Variants in CCSER1 observed in about 807,000 individuals in gnomAD.
CCSER1 encodes the protein serine-rich coiled-coil domain-containing protein 1.
In CCSER1, 41 loss-of-function variants were observed where a neutral mutation model predicts 82.0. The observed-to-expected ratio is 0.50, with a 90% CI of 0.39 to 0.65. The LOEUF is 0.65. Among genes scored for constraint, CCSER1 ranks in the 30% least tolerant of loss-of-function variants. The pLI is 0.00. For missense variants in CCSER1, 1,119 were observed against 1,064.2 expected, an observed-to-expected ratio of 1.05 and a Z score of -0.72; for synonymous variants, 414 against 383.9, an observed-to-expected ratio of 1.08 and a Z score of -0.92.
chr4:91,563,115 G>T (rs1762729310), intron 10 of CCSER1, among the ~76,000 whole-genome samples: 1 of 151,572 alleles, frequency 6.6e-6, no homozygotes, highest in Non-Finnish European at 1.5e-5. Flanking sequence ...ATTTATGCCA[G>T]TCCTTCTCAA....
intron 3 of CCSER1, among the ~76,000 whole-genome samples, chr4:90,365,585 C>T (rs1171139839): frequency 6.6e-6 from 1 of 151,684 alleles, no homozygotes; most frequent in Non-Finnish European, 1.5e-5. Flanking sequence ...CTATTTGATG[C>T]TCAAAATTAA....
intron 10 of CCSER1, among the ~76,000 whole-genome samples, chr4:91,491,646 A>G (rs1758549509): frequency 6.6e-6 from 1 of 152,110 alleles, no homozygotes; most frequent in Non-Finnish European, 1.5e-5. Context: ...CTTTTTCTAA[A>G]ATGCATGTTT....
At chr4:90,370,134 C>A (rs1747126483) in intron 3 of CCSER1, 1 of 152,048 alleles carries the variant, frequency 6.6e-6, no homozygotes, top group Non-Finnish European at 1.5e-5. Context: ...GGTGTCATGC[C>A]ATCTGGCACT....
chr4:91,556,351 G>A (rs992664713), intron 10 of CCSER1, among the ~76,000 whole-genome samples: 1 of 150,594 alleles, frequency 6.6e-6, no homozygotes, highest in African/African-American at 2.4e-5. Context: ...TTTTTTTAAA[G>A]TGGATTATTA....
intron 7 of CCSER1, among the ~76,000 whole-genome samples, chr4:90,811,302 G>C (rs1434921160): frequency 6.6e-6 from 1 of 152,190 alleles, no homozygotes; most frequent in Non-Finnish European, 1.5e-5. Flanking sequence ...TGAGGAGGTT[G>C]AAAGTCAAAA....
chr4:90,706,996 A>C (rs903196178), intron 6 of CCSER1, among the ~76,000 whole-genome samples: 1 of 152,082 alleles, frequency 6.6e-6, no homozygotes, highest in Non-Finnish European at 1.5e-5. Context: ...CCTCCTTATA[A>C]TTTCCTAACC....
At chr4:91,084,399 G>A (rs1009540180) in intron 9 of CCSER1, among the ~76,000 whole-genome samples, 1 of 152,022 alleles carries the variant, frequency 6.6e-6, no homozygotes, top group African/African-American at 2.4e-5. Context: ...AATACATTTG[G>A]TAGCTACTAT....
At chr4:90,739,752 C>T (rs993391212) in intron 7 of CCSER1, among the ~76,000 whole-genome samples, 1 of 152,152 alleles carries the variant, frequency 6.6e-6, no homozygotes, top group African/African-American at 2.4e-5. Flanking sequence ...CACTGTGTTC[C>T]AATGCTAAGT....
At chr4:90,166,688 G>T (rs1011432360) in intron 1 of CCSER1, among the ~76,000 whole-genome samples, 9 of 152,006 alleles carry the variant, frequency 5.9e-5, no homozygotes, top group African/African-American at 2.2e-4. Context: ...AGCAAAAACA[G>T]ATCTAAGGCA....
intron 10 of CCSER1, among the ~76,000 whole-genome samples, chr4:91,378,927 C>G (rs1750653979): frequency 2.0e-5 from 3 of 152,272 alleles, no homozygotes; most frequent in East Asian, 3.9e-4. Flanking sequence ...TATGTCCCAT[C>G]AATACCTAAT....
At chr4:90,748,468 G>A (rs1175401530) in intron 7 of CCSER1, among the ~76,000 whole-genome samples, 2 of 149,258 alleles carry the variant, frequency 1.3e-5, no homozygotes, top group African/African-American at 4.9e-5. Flanking sequence ...CCAAGTCTTT[G>A]CTATTGTGAA....
At chr4:91,049,157 G>T (rs1742779217) in intron 9 of CCSER1, among the ~76,000 whole-genome samples, 1 of 152,112 alleles carries the variant, frequency 6.6e-6, no homozygotes, top group Admixed American at 6.6e-5. Context: ...AAATGAGAAG[G>T]CCAACAAAAT....
chr4:90,866,169 A>G (rs139287825), intron 8 of CCSER1, among the ~76,000 whole-genome samples: 2,128 of 151,984 alleles, frequency 0.014, 22 homozygotes, highest in Non-Finnish European at 0.022. Context: ...TGCAAACCAT[A>G]TCACTCCCCC....
intron 10 of CCSER1, among the ~76,000 whole-genome samples, chr4:91,216,259 A>C (rs1737230413): frequency 6.6e-6 from 1 of 152,166 alleles, no homozygotes; most frequent in Non-Finnish European, 1.5e-5. Context: ...GTGCGCATAA[A>C]ATGTTAATCA....
chr4:90,623,416 C>T (rs564216188), intron 5 of CCSER1, among the ~76,000 whole-genome samples: 18 of 151,974 alleles, frequency 1.2e-4, no homozygotes, highest in Admixed American at 4.6e-4. Flanking sequence ...CACATTTCAG[C>T]GCCTGAATGA....
intron 10 of CCSER1, among the ~76,000 whole-genome samples, chr4:91,402,511 A>G (rs913294814): frequency 1.0e-3 from 157 of 151,868 alleles, no homozygotes; most frequent in African/African-American, 3.4e-3. Context: ...TTTCTTCTAG[A>G]ATTTTTATGG....
At chr4:90,771,166 A>C (rs932302838) in intron 7 of CCSER1, among the ~76,000 whole-genome samples, 1 of 152,074 alleles carries the variant, frequency 6.6e-6, no homozygotes, top group Non-Finnish European at 1.5e-5. Context: ...CTCTGCGAAT[A>C]TTTACATAAA....
chr4:90,351,772 G>GT (rs1579332341), intron 3 of CCSER1, among the ~76,000 whole-genome samples: 1 of 152,156 alleles, frequency 6.6e-6, no homozygotes, highest in South Asian at 2.1e-4. Context: ...AAAATTTTTT[G>GT]TTTTTTGTCT....
At chr4:91,543,972 C>T (rs2870327) in intron 10 of CCSER1, among the ~76,000 whole-genome samples, 105,129 of 151,946 alleles carry the variant, frequency 0.69, 37,250 homozygotes, top group African/African-American at 0.85. Flanking sequence ...TCACATAGTC[C>T]CATATTTCTT....
Sources: allele counts gnomAD v4.1 joint callset (sites outside exome capture counted in the v4.1 genomes callset), GRCh38; gene constraint gnomAD v4.1.1; transcripts MANE v1.5; gene names NCBI Gene and HGNC (gene_info 2026-07-23, HGNC 2026-07-21).